The following DCC variants were observed in gnomAD, a reference collection of about 807,000 sequenced individuals.
DCC encodes netrin receptor DCC.
A neutral mutation model predicts 172.5 loss-of-function variants in DCC; 58 were observed. That is an observed-to-expected ratio of 0.34 (90% CI 0.27 to 0.42). DCC has a LOEUF of 0.42. Ranked by LOEUF, DCC falls within the 10% of genes least tolerant of loss-of-function variation. DCC has a pLI of 1.00. For missense variants in DCC, 1,740 were observed against 1,791.0 expected (o/e 0.97, Z 0.51); for synonymous variants, 709 against 644.5 (o/e 1.10, Z -1.52).
intron 1 of DCC, among the ~76,000 whole-genome samples, chr18:52,377,633 G>GC (rs1247323156): frequency 7.8e-6 from 1 of 127,544 alleles, no homozygotes; most frequent in African/African-American, 3.5e-5. Context: ...CAACAATTAT[G>GC]CATTTTTTTT....
At chr18:52,651,095 G>A (rs8093528) in intron 1 of DCC, among the ~76,000 whole-genome samples, 107,990 of 152,092 alleles carry the variant, frequency 0.71, 38,766 homozygotes, top group East Asian at 0.85. Context: ...GGCAACCACT[G>A]TCAATAATTT....
chr18:52,625,635 C>T (rs1439199844), intron 1 of DCC, among the ~76,000 whole-genome samples: 2 of 152,148 alleles, frequency 1.3e-5, no homozygotes, highest in Non-Finnish European at 2.9e-5. Context: ...AACCTCTCGG[C>T]TCTACCTGCC....
chr18:53,191,545 T>C (rs2055366933), intron 9 of DCC, among the ~76,000 whole-genome samples: 1 of 152,244 alleles, frequency 6.6e-6, no homozygotes, highest in African/African-American at 2.4e-5. Flanking sequence ...CATGTATTTG[T>C]AGCTTATATT....
At chr18:52,905,961 A>G in intron 2 of DCC, 83 bp from the exon 3 acceptor site, 1 of 965,818 alleles carries the variant, frequency 1.0e-6, no homozygotes, top group East Asian at 2.4e-5. Flanking sequence ...ATTTTCTACA[A>G]AGAATACAAA....
rs577181644 is a variant in DCC at position 52,716,080 on chromosome 18, T to C, written c.92-35974T>C. On this transcript the variant is annotated intron_variant, in intron 1 of 28. Transcript: ENST00000442544. ...TCCCTGCTCAGACCTTGGGAGCCAC[T>C]GCAGTGTTCAGCTGCTCTCAGTTTA... is the stretch of plus-strand genomic sequence containing the variant. Among the ~76,000 whole-genome samples the C allele has an allele frequency of 3.3e-5, 5 of 152,328 alleles. No homozygotes were observed. In the East Asian group the frequency reaches 9.7e-4, roughly 29 times the overall value.
chr18:52,442,631 C>A (rs1988003846), intron 1 of DCC, among the ~76,000 whole-genome samples: 1 of 152,166 alleles, frequency 6.6e-6, no homozygotes, highest in African/African-American at 2.4e-5. Flanking sequence ...CCTTGATGGA[C>A]ATCTCTGATA....
At chr18:52,504,137 G>A (rs577684665) in intron 1 of DCC, among the ~76,000 whole-genome samples, 9 of 152,214 alleles carry the variant, frequency 5.9e-5, no homozygotes, top group Non-Finnish European at 1.2e-4. Context: ...AAGAGGATGC[G>A]TTGGGGAGGG....
chr18:52,349,588 T>A (rs947629092), intron 1 of DCC, among the ~76,000 whole-genome samples: 1 of 152,210 alleles, frequency 6.6e-6, no homozygotes, highest in African/African-American at 2.4e-5. Context: ...TTCAGCAGCA[T>A]ATCAGTTTTA....
intron 27 of DCC, among the ~76,000 whole-genome samples, chr18:53,520,858 T>C (rs889401450): frequency 3.9e-5 from 6 of 152,082 alleles, no homozygotes; most frequent in Non-Finnish European, 8.8e-5. Context: ...ATTTCCCTCA[T>C]ACTCTTTCCT....
intron 12 of DCC, among the ~76,000 whole-genome samples, chr18:53,304,023 C>A (rs1251632058): frequency 6.6e-6 from 1 of 152,008 alleles, no homozygotes; most frequent in Non-Finnish European, 1.5e-5. Flanking sequence ...CCCGACTATC[C>A]CCAGCTGAAC....
chr18:53,163,153 T>A (rs1431173443), intron 8 of DCC, among the ~76,000 whole-genome samples: 1 of 152,246 alleles, frequency 6.6e-6, no homozygotes, highest in Non-Finnish European at 1.5e-5. Context: ...TAAGACTAGT[T>A]CTTATTCATA....
chr18:52,567,009 G>A (rs556524564), intron 1 of DCC, among the ~76,000 whole-genome samples: 28 of 152,230 alleles, frequency 1.8e-4, no homozygotes, highest in African/African-American at 6.7e-4. Context: ...GTGAAGTTAG[G>A]TTAAGAATAT....
intron 1 of DCC, among the ~76,000 whole-genome samples, chr18:52,608,542 T>C (rs2034185439): frequency 6.6e-6 from 1 of 152,098 alleles, no homozygotes; most frequent in South Asian, 2.1e-4. Flanking sequence ...TGAGTAAAGA[T>C]ATAGTAGTGT....
chr18:53,177,401 A>G (rs1043401892), intron 8 of DCC, among the ~76,000 whole-genome samples: 3 of 152,232 alleles, frequency 2.0e-5, no homozygotes, highest in Non-Finnish European at 2.9e-5. Context: ...AGCTCCTGGC[A>G]GCCACTCAGG....
intron 1 of DCC, among the ~76,000 whole-genome samples, chr18:52,743,886 G>A (rs963495128): frequency 6.6e-6 from 1 of 152,216 alleles, no homozygotes; most frequent in Non-Finnish European, 1.5e-5. Context: ...CCCTTTTGCT[G>A]AGAATATTTG....
intron 7 of DCC, among the ~76,000 whole-genome samples, chr18:53,069,921 T>C (rs1206386525): frequency 1.3e-5 from 2 of 150,934 alleles, no homozygotes; most frequent in Admixed American, 6.6e-5. Context: ...GTTGTGGGGT[T>C]GGGGGGGGTT....
chr18:52,934,443 C>A (rs181639795), intron 5 of DCC, among the ~76,000 whole-genome samples: 6 of 152,090 alleles, frequency 3.9e-5, no homozygotes, highest in Non-Finnish European at 8.8e-5. Context: ...AAAACAGAAG[C>A]CATGTCTTCT....
chr18:52,772,401 G>T (rs1290031648), intron 2 of DCC, among the ~76,000 whole-genome samples: 1 of 152,182 alleles, frequency 6.6e-6, no homozygotes, highest in East Asian at 1.9e-4. Context: ...GATTGCCATG[G>T]TTTATGGCAG....
intron 1 of DCC, among the ~76,000 whole-genome samples, chr18:52,480,886 C>A (rs1037122086): frequency 3.9e-5 from 6 of 152,060 alleles, no homozygotes; most frequent in African/African-American, 1.4e-4. Context: ...TCCAGGCCTC[C>A]TTTTCATTTG....
Sources: allele counts gnomAD v4.1 joint callset (sites outside exome capture counted in the v4.1 genomes callset), GRCh38; gene constraint gnomAD v4.1.1; transcripts MANE v1.5; gene names NCBI Gene and HGNC (gene_info 2026-07-23, HGNC 2026-07-21).